Variants in SUCO observed in about 807,000 individuals in gnomAD.
The protein encoded by SUCO is SUN domain containing ossification factor, also known as SUN domain-containing ossification factor.
Under a neutral mutation model 148.1 loss-of-function variants are expected in SUCO, and 57 were observed. That is an observed-to-expected ratio of 0.38 (90% CI 0.31 to 0.48). The LOEUF is 0.48. Among genes scored for constraint, SUCO ranks in the 20% least tolerant of loss-of-function variants. The pLI is 0.96. For synonymous variants in SUCO, 470 were observed against 502.7 expected (o/e 0.93, Z 0.87); for missense variants, 1,331 against 1,468.2 (o/e 0.91, Z 1.53).
chr1:172,606,054 T>C (rs944688050), intron 22 of SUCO, among the ~76,000 whole-genome samples: 2 of 151,614 alleles, frequency 1.3e-5, no homozygotes, highest in South Asian at 2.1e-4. Flanking sequence ...ACATGAATTA[T>C]ATTAGATTTT....
chr1:172,602,047 C>T lies in SUCO; in HGVS notation c.3019-17C>T. 1 of 1,592,534 alleles carries T rather than the reference C, an allele frequency of 6.3e-7. No individual in the cohort carries two copies. The highest frequency in any genetic ancestry group is 8.5e-7 in the Non-Finnish European group (1 of 1,170,532). ...ATGATTTCCTATGATTATTATTTAA[C>T]CCTCTTCTCATCTCAGGTTTCAGAT... On this transcript the variant is annotated splice_polypyrimidine_tract_variant and intron_variant, in intron 20 of 23. Coordinates refer to ENST00000263688, the MANE Select transcript of SUCO (RefSeq NM_014283.5).
At chr1:172,537,367 G>T (rs1267742589) in intron 1 of SUCO, among the ~76,000 whole-genome samples, 2 of 152,078 alleles carry the variant, frequency 1.3e-5, no homozygotes, top group African/African-American at 4.8e-5. Context: ...TGACCTACTA[G>T]ATTATTTTAT....
intron 15 of SUCO, among the ~76,000 whole-genome samples, chr1:172,581,059 C>T (rs550163690): frequency 2.6e-5 from 4 of 152,088 alleles, no homozygotes; most frequent in African/African-American, 4.8e-5. Flanking sequence ...GAGATCGCAC[C>T]ACTGCACTCC....
intron 22 of SUCO, among the ~76,000 whole-genome samples, chr1:172,607,622 T>G (rs566368225): frequency 1.2e-4 from 18 of 151,964 alleles, no homozygotes; most frequent in Admixed American, 1.2e-3. Flanking sequence ...AGTTTTAGCC[T>G]AGGGATTACT....
chr1:172,551,600 A>G lies in SUCO; in HGVS notation c.151A>G (p.Asn51Asp), dbSNP rs1653305458. The G allele has an allele frequency of 6.2e-7, 1 of 1,607,422 alleles. No homozygotes were observed. The highest frequency in any genetic ancestry group is 1.3e-5 in the African/African-American group (1 of 74,678). ...TCAAGATGACAACTGCGCACTAGAA[A>G]ATGAAGATGTACAATTCCAGAAAAA... ...YSQDDNCALE[N>D]EDVQFQKKDE... The change falls in exon 2 of 24, where the codon AAT (asparagine) becomes GAT (aspartate). Residue 51 changes from asparagine to aspartate, a missense_variant. Asn to Asp is a conservative substitution (Grantham distance 23, BLOSUM62 1). Coordinates refer to ENST00000263688, the MANE Select transcript of SUCO (RefSeq NM_014283.5).
At chr1:172,576,735 G>A (rs1655470009) in intron 11 of SUCO, 1 of 200,172 alleles carries the variant, frequency 5.0e-6, no homozygotes, top group Non-Finnish European at 8.9e-6. Context: ...TTTATGGTGG[G>A]AGATTATACA....
intron 19 of SUCO, chr1:172,599,357 T>C: frequency 1.8e-6 from 1 of 556,680 alleles, no homozygotes; most frequent in Non-Finnish European, 2.3e-6. Flanking sequence ...AAATTTTCAG[T>C]TAAAGTCTCC....
intron 19 of SUCO, among the ~76,000 whole-genome samples, chr1:172,593,453 A>G (rs1440260253): frequency 6.6e-6 from 1 of 152,202 alleles, no homozygotes; most frequent in Non-Finnish European, 1.5e-5. Flanking sequence ...CATCCCATCA[A>G]TACCTAGTTA....
intron 1 of SUCO, among the ~76,000 whole-genome samples, chr1:172,534,530 C>T (rs1651869843): frequency 6.6e-6 from 1 of 152,124 alleles, no homozygotes; most frequent in African/African-American, 2.4e-5. Context: ...TAAAATAATA[C>T]ATAAACAAGG....
chr1:172,602,084 T>C lies in SUCO; in HGVS notation c.3039T>C (p.Tyr1013=). The C allele has an allele frequency of 6.2e-7, 1 of 1,610,944 alleles. No individual in the cohort carries two copies. The highest frequency in any genetic ancestry group is 8.5e-7 in the Non-Finnish European group (1 of 1,178,878). The change falls in exon 21 of 24, where the codon TAT becomes TAC. Residue 1013 remains tyrosine, a synonymous_variant. Transcript: ENST00000263688. ...CTCAGGTTTCAGATCGACAAAGCTA[T>C]CTTGTCATATCTTTGGTTCTTTGTG... ...LKREVSDRQS[Y]LVISLVLCVV...
intron 1 of SUCO, among the ~76,000 whole-genome samples, chr1:172,536,519 A>G (rs531714382): frequency 6.6e-6 from 1 of 152,288 alleles, no homozygotes; most frequent in Admixed American, 6.5e-5. Context: ...CTACTGTGCC[A>G]GATGTTTTTA....
chr1:172,578,558 T>C (rs1655634804), intron 14 of SUCO, 169 bp downstream of exon 14: 2 of 970,240 alleles, frequency 2.1e-6, no homozygotes, highest in Non-Finnish European at 2.5e-6. Flanking sequence ...TTTTCTAATA[T>C]GATTGCTTTG....
In SUCO at chr1:172,533,471, C is replaced by G. The variant is rs376204309; in HGVS notation, c.36C>G (p.Ser12=). ...KKHRRALALV[S]CLFLCSLVWL... ...ACCGGCGGGCCTTGGCCCTGGTCTCCTGCCTCTTTCTGTGCTCTCTGGTCT... is the reference window on the plus strand; with the variant it reads ...ACCGGCGGGCCTTGGCCCTGGTCTCGTGCCTCTTTCTGTGCTCTCTGGTCT... Residue 12 remains serine, a synonymous_variant, in exon 1 of 24, where the codon TCC becomes TCG. Transcript: ENST00000263688. The G allele has an allele frequency of 1.3e-6, 2 of 1,564,536 alleles. No homozygotes were observed. Among genetic ancestry groups the G allele is most frequent in the Non-Finnish European group, 1.7e-6 (2 of 1,153,962 alleles).
rs137952155 is a variant in SUCO, at chr1:172,594,974, G to A, written c.2913+3903G>A. Among the ~76,000 whole-genome samples, 28 of 152,242 alleles carry A rather than the reference G, an allele frequency of 1.8e-4. No individual in the cohort carries two copies. The East Asian group carries it at 4.8e-3, about 26-fold the overall frequency. ...ATGAATCTGGGTGCTCCTGTATTGG[G>A]TGCATATATGTATTTAGGATGGTTA... is the stretch of plus-strand genomic sequence containing the variant. On this transcript the variant is annotated intron_variant, in intron 19 of 23. Transcript: ENST00000263688.
chr1:172,549,551 A>G (rs1331092930), intron 1 of SUCO, among the ~76,000 whole-genome samples: 1 of 151,834 alleles, frequency 6.6e-6, no homozygotes, highest in East Asian at 1.9e-4. Flanking sequence ...TTTAAAAGGT[A>G]TTTTTTTCTC....
At chr1:172,549,647 A>C (rs1653126591) in intron 1 of SUCO, among the ~76,000 whole-genome samples, 1 of 151,958 alleles carries the variant, frequency 6.6e-6, no homozygotes, top group Admixed American at 6.6e-5. Context: ...TCTTAATGAA[A>C]TCTTCCTTGG....
intron 4 of SUCO, among the ~76,000 whole-genome samples, chr1:172,556,387 T>C (rs1244234182): frequency 6.6e-6 from 1 of 152,214 alleles, no homozygotes; most frequent in African/African-American, 2.4e-5. Context: ...AGTATCACTG[T>C]CATTTCATTC....
chr1:172,578,433 C>T (rs1558196000), intron 14 of SUCO, 44 bp downstream of exon 14: 2 of 1,568,818 alleles, frequency 1.3e-6, no homozygotes, highest in Admixed American at 1.7e-5. Context: ...ATTTTTTTTA[C>T]TTTTTAAAAA....
chr1:172,602,011 T>G, intron 20 of SUCO, 53 bp from the exon 21 acceptor site: 2 of 1,515,516 alleles, frequency 1.3e-6, no homozygotes, highest in East Asian at 4.7e-5. Flanking sequence ...TACCCTTATA[T>G]TTTTCCTAAT....
Sources: allele counts gnomAD v4.1 joint callset (sites outside exome capture counted in the v4.1 genomes callset), GRCh38; gene constraint gnomAD v4.1.1; transcripts MANE v1.5; gene names NCBI Gene and HGNC (gene_info 2026-07-23, HGNC 2026-07-21).